Variants in MYOM3 observed in about 807,000 individuals in gnomAD.
MYOM3 encodes myomesin 3.
A neutral mutation model predicts 191.7 loss-of-function variants in MYOM3; 155 were observed. The observed-to-expected ratio is 0.81, with a 90% CI of 0.71 to 0.92. MYOM3 has a LOEUF of 0.92. Among genes scored for constraint, MYOM3 ranks in the 40% least tolerant of loss-of-function variants. The probability of loss-of-function intolerance (pLI) is 0.00; values close to 1 mark genes in which losing one functional copy is unlikely to be tolerated. For missense variants in MYOM3, 1,889 were observed against 1,890.6 expected (o/e 1.00, Z 0.02); for synonymous variants, 757 against 762.9 (o/e 0.99, Z 0.13).
chr1:24,061,111 G>A, intron 34 of MYOM3, 29 bp from the exon 35 acceptor site: 2 of 1,614,126 alleles, frequency 1.2e-6, no homozygotes, highest in Non-Finnish European at 1.7e-6. Context: ...AACAAGGTGT[G>A]ACATTCCACT....
At chr1:24,060,416 G>T (rs1452094039) in intron 35 of MYOM3, among the ~76,000 whole-genome samples, 1 of 152,212 alleles carries the variant, frequency 6.6e-6, no homozygotes, top group Non-Finnish European at 1.5e-5. Context: ...AGCTGGCGGT[G>T]TGAGTTTTCT....
intron 5 of MYOM3, among the ~76,000 whole-genome samples, chr1:24,101,000 A>T (rs1284759932): frequency 6.6e-6 from 1 of 152,138 alleles, no homozygotes; most frequent in African/African-American, 2.4e-5. Context: ...GGGGAAACAG[A>T]ATTTACCCAC....
At chr1:24,106,209 C>T (rs1643982205) in intron 4 of MYOM3, 132 bp from the exon 5 acceptor site, 2 of 1,070,410 alleles carry the variant, frequency 1.9e-6, no homozygotes, top group East Asian at 5.3e-5. Flanking sequence ...GTCCCCTCCC[C>T]TAGCTGAGCA....
intron 32 of MYOM3, 102 bp from the exon 33 acceptor site, chr1:24,062,211 G>A: frequency 7.7e-7 from 1 of 1,292,050 alleles, no homozygotes. Context: ...GAGATCACGG[G>A]CTATGGGTGG....
intron 11 of MYOM3, 88 bp from the exon 12 acceptor site, chr1:24,091,084 G>A (rs187790731): frequency 1.4e-6 from 2 of 1,439,190 alleles, no homozygotes; most frequent in Admixed American, 1.9e-5. Flanking sequence ...TCTCTGACTG[G>A]GGGAGCCTGC....
In MYOM3 at chr1:24,057,055, G is replaced by C. The variant is rs1442391098; in HGVS notation, c.*309C>G. On this transcript the variant is annotated 3_prime_UTR_variant, in exon 37 of 37. Transcript: ENST00000374434. The stretch of plus-strand genomic sequence containing the variant: ...ATAATTCTATGTGGTGGGAGCTGCA[G>C]TGTTTAGCAGCGTACCTGACCTCTA... 6 of 363,934 alleles carry C rather than the reference G, an allele frequency of 1.6e-5. No individual in the cohort carries two copies. Among genetic ancestry groups the C allele is most frequent in the Non-Finnish European group, 3.0e-5 (6 of 200,192 alleles). The allele number at this position is 363,934 out of a possible 1,614,324, so 22.5% of individuals were successfully genotyped here.
At chr1:24,089,981 A>G (rs550998673) in intron 13 of MYOM3, 84 bp downstream of exon 13, 8 of 1,399,182 alleles carry the variant, frequency 5.7e-6, no homozygotes, top group Non-Finnish European at 7.1e-6. Flanking sequence ...CTGCACTGGG[A>G]CAGCTTCTGC....
rs780302108 is a variant in MYOM3 at position 24,090,798 on chromosome 1, T to C, written c.1431A>G (p.Thr477=). The C allele has an allele frequency of 1.9e-6, 3 of 1,614,080 alleles. No individual in the cohort carries two copies. Among genetic ancestry groups the C allele is most frequent in the African/African-American group, 1.3e-5 (1 of 75,060 alleles). Residue 477 remains threonine (T), a splice_region_variant and synonymous_variant, in exon 12 of 37, where the codon ACA becomes ACG. Coordinates refer to ENST00000374434, the MANE Select transcript of MYOM3 (RefSeq NM_152372.4). ...GTCGCTTAGGACCTCTGTACCCACC[T>C]GTCTTCCTCCGGGCTGCATCATGGT... ...MGDHDAARRK[T]EIPFDLGNKI... is the part of the protein sequence containing the mutation.
chr1:24,089,575 G>A lies in MYOM3; in HGVS notation c.1577C>T (p.Pro526Leu). Residue 526 changes from proline (P) to leucine (L), a missense_variant, in exon 14 of 37, where the codon CCC becomes CTC. Coordinates refer to ENST00000374434, the MANE Select transcript of MYOM3 (RefSeq NM_152372.4). ...GTACGTCAGTGGTGCTCTGTCCCGG[G>A]GGCTGGGCTCCTCCCAGGCCAGAAC... ...YVVLAWEEPS[P>L]RDRAPLTYSL... 1 of 1,599,182 alleles carries A rather than the reference G, an allele frequency of 6.3e-7. No individual in the cohort carries two copies. Among genetic ancestry groups the A allele is most frequent in the Non-Finnish European group, 8.5e-7 (1 of 1,173,228 alleles).
rs1042870482 is a variant in MYOM3, at chr1:24,056,309, G to C, written c.*1055C>G. 1 of 152,216 alleles carries C rather than the reference G, an allele frequency of 6.6e-6. No homozygotes were observed. The highest frequency in any genetic ancestry group is 2.4e-5 in the African/African-American group (1 of 41,404). The allele number at this position is 152,216 out of a possible 1,614,324, so 9.4% of individuals were successfully genotyped here. On this transcript the variant is annotated 3_prime_UTR_variant, in exon 37 of 37. Coordinates refer to ENST00000374434, the MANE Select transcript of MYOM3 (RefSeq NM_152372.4). The stretch of plus-strand genomic sequence containing the variant: ...ATCCAAGGCCTCCTGGGCAGCCTTA[G>C]CCTCCTCCTTCCCTTTCCTCCCACC...
Position 24,068,300 on chromosome 1 carries a change from T to G in MYOM3, c.3218A>C (p.Glu1073Ala). Residue 1073 changes from glutamate (E) to alanine (A), a missense_variant, in exon 26 of 37, where the codon GAG becomes GCG. Physicochemically the swap from Glu to Ala is moderately radical, Grantham distance 107. Coordinates refer to ENST00000374434, the MANE Select transcript of MYOM3 (RefSeq NM_152372.4). ...TTGAGCGGTGTACGACCCTTTGTCC[T>G]CCTCAGACAAGTTCTGGATGATCAC... ...VEVIIQNLSEEDKGSYTAQLQ... is the reference protein window; with the variant it reads ...VEVIIQNLSEADKGSYTAQLQ... 6.2e-7 allele frequency: 1 copy of G among 1,614,170 alleles called. No homozygotes were observed. Among genetic ancestry groups the G allele is most frequent in the South Asian group, 1.1e-5 (1 of 91,074 alleles).
rs376169560 is a variant in MYOM3 at position 24,063,567 on chromosome 1, G to A, written c.3623-37C>T. On this transcript the variant is annotated intron_variant, in intron 30 of 36. Coordinates refer to ENST00000374434, the MANE Select transcript of MYOM3 (RefSeq NM_152372.4). The surrounding 1 kb of genome is among the most constrained non-coding windows in gnomAD (Gnocchi z 4.5). ...CAGAGAGAAGGGTTAGCTGGCATAG[G>A]GCTCCCCTAGGGATGTGCTAGGAGT... 5.3e-5 allele frequency: 86 copies of A among 1,613,128 alleles called. No homozygotes were observed. The highest frequency in any genetic ancestry group is 1.4e-4 in the South Asian group (13 of 91,028).
At chr1:24,086,957 T>G in intron 14 of MYOM3, 130 bp from the exon 15 acceptor site, 2 of 918,552 alleles carry the variant, frequency 2.2e-6, no homozygotes, top group South Asian at 1.7e-5. Context: ...AGGCTGCCCC[T>G]GAGCATGGGG....
intron 9 of MYOM3, among the ~76,000 whole-genome samples, chr1:24,093,358 G>A (rs992408811): frequency 1.3e-5 from 2 of 152,158 alleles, no homozygotes; most frequent in Admixed American, 6.5e-5. Flanking sequence ...GAGGGAGTGA[G>A]GGTTTAGGGA....
intron 25 of MYOM3, among the ~76,000 whole-genome samples, chr1:24,069,619 T>C (rs4649172): frequency 7.0e-5 from 8 of 113,922 alleles, no homozygotes; most frequent in African/African-American, 2.4e-4. Flanking sequence ...TTCTTTCTTT[T>C]TTTTTTTTGA....
In MYOM3 at chr1:24,092,308, C is replaced by T; in HGVS notation, c.1098G>A (p.Glu366=). The change falls in exon 11 of 37, where the codon GAG becomes GAA. Residue 366 remains glutamate (E), a synonymous_variant. Coordinates refer to ENST00000374434, the MANE Select transcript of MYOM3 (RefSeq NM_152372.4). ...AGCCTGGGGCCCCGGGGTTCTCGGCCTCGGCATCTGAAACCCGGGGGTGAG... is the reference window on the plus strand; with the variant it reads ...AGCCTGGGGCCCCGGGGTTCTCGGCTTCGGCATCTGAAACCCGGGGGTGAG... ...QSTYVLVRDA[E]AENPGAPGSP... 5.2e-6 allele frequency: 7 copies of T among 1,353,462 alleles called. No individual in the cohort carries two copies. Among genetic ancestry groups the T allele is most frequent in the East Asian group, 2.8e-5 (1 of 35,914 alleles). 83.8% of individuals were successfully genotyped at this position (1,353,462 alleles called of 1,614,324 possible). A position where few individuals can be genotyped will look rare whatever the true frequency, so the allele number is the denominator to read the frequency against.
intron 16 of MYOM3, chr1:24,083,184 C>T (rs1443896951): frequency 6.6e-6 from 1 of 152,616 alleles, no homozygotes; most frequent in African/African-American, 2.4e-5. Context: ...ATGTCCTTCT[C>T]ATCCTGTCCC....
In MYOM3 at chr1:24,108,500, A is replaced by C; in HGVS notation, c.137T>G (p.Val46Gly). The change falls in exon 2 of 37, where the codon GTG (valine) becomes GGG (glycine). Residue 46 changes from valine (V) to glycine (G), a missense_variant. By Grantham distance (109) the Val-to-Gly change is moderately radical. Transcript: ENST00000374434. ...RQHSLRMGSS[V>G]RRRTFRSSEE... ...CCTGCTGCGGAAGGTCCGCCTCCGCACAGAGGAGCCCATGCGCAGGCTGTG... is the reference window on the plus strand; with the variant it reads ...CCTGCTGCGGAAGGTCCGCCTCCGCCCAGAGGAGCCCATGCGCAGGCTGTG... 6.3e-7 allele frequency: 1 copy of C among 1,577,892 alleles called. No homozygotes were observed. Among genetic ancestry groups the C allele is most frequent in the Non-Finnish European group, 8.6e-7 (1 of 1,162,288 alleles).
Position 24,080,108 on chromosome 1 carries a change from G to A in MYOM3, c.2494C>T (p.Pro832Ser), listed in dbSNP as rs1340725587. 1 of 1,614,148 alleles carries A rather than the reference G, an allele frequency of 6.2e-7. No individual in the cohort carries two copies. Among genetic ancestry groups the A allele is most frequent in the East Asian group, 2.2e-5 (1 of 44,884 alleles). ...AAACTGACGTGATAGCCTGTGACAG[G>A]CCCAGCCCCCATATACAGTGGGGGT... ...WEPPLYMGAGPVTGYHVSFQE... is the reference protein window; with the variant it reads ...WEPPLYMGAGSVTGYHVSFQE... The change falls in exon 20 of 37, where the codon CCT becomes TCT. Residue 832 changes from proline (P) to serine (S), a missense_variant. Pro to Ser is a moderately conservative substitution (Grantham distance 74, BLOSUM62 -1). Coordinates refer to ENST00000374434, the MANE Select transcript of MYOM3 (RefSeq NM_152372.4).
Sources: allele counts gnomAD v4.1 joint callset (sites outside exome capture counted in the v4.1 genomes callset), GRCh38; gene constraint gnomAD v4.1.1; non-coding constraint Gnocchi (gnomAD v3.1); transcripts MANE v1.5; gene names NCBI Gene and HGNC (gene_info 2026-07-23, HGNC 2026-07-21).